Variants in DCUN1D5 observed in about 807,000 individuals in gnomAD.
DCUN1D5 encodes the protein defective in cullin neddylation 1 domain containing 5.
A neutral mutation model predicts 38.3 loss-of-function variants in DCUN1D5; 10 were observed. The observed-to-expected ratio is 0.26, with a 90% confidence interval of 0.16 to 0.44. The LOEUF is 0.44. DCUN1D5 is among the 20% of genes least tolerant of loss of function. The pLI is 1.00. For missense variants in DCUN1D5, 148 were observed against 275.3 expected, an observed-to-expected ratio of 0.54 and a Z score of 3.27; for synonymous variants, 93 against 90.9, an observed-to-expected ratio of 1.02 and a Z score of -0.13.
At chr11:103,082,477 T>A (rs1376344210) in intron 4 of DCUN1D5, among the ~76,000 whole-genome samples, 1 of 152,088 alleles carries the variant, frequency 6.6e-6, no homozygotes, top group East Asian at 1.9e-4. Flanking sequence ...TAAATAGGTC[T>A]TTGATCATAG....
rs1321523744 is a variant in DCUN1D5, at chr11:103,061,159, T to C, written c.*1200A>G. On this transcript the variant is annotated 3_prime_UTR_variant, in exon 8 of 8. Coordinates refer to ENST00000260247, the MANE Select transcript of DCUN1D5 (RefSeq NM_032299.4). ...ATCATTCTTTAAACAAATTCACCAC[T>C]GAAAAATCAACCTTTACCTTAAATC... 6.6e-6 allele frequency among the ~76,000 whole-genome samples: 1 copy of C among 152,184 alleles called. No individual in the cohort carries two copies. The highest frequency in any genetic ancestry group is 2.4e-5 in the African/African-American group (1 of 41,468).
At position 103,082,819 on chromosome 11, in the gene DCUN1D5, C is replaced by T. The variant is rs1862599707; in HGVS notation, c.270G>A (p.Ala90=). ...EPENIIMLVL[A]WKLEAESMGF... is the part of the protein sequence containing the mutation. ...CCATGCTTTCAGCCTCCAATTTCCA[C>T]GCTAAAACTAACATAATAATCTGGA... is the stretch of plus-strand genomic sequence containing the variant. Residue 90 remains alanine (A), a synonymous_variant, in exon 4 of 8, where the codon GCG becomes GCA. Transcript: ENST00000260247. 9.9e-6 allele frequency: 16 copies of T among 1,612,630 alleles called. No individual in the cohort carries two copies. The highest frequency in any genetic ancestry group is 1.7e-4 in the Middle Eastern group (1 of 6,054).
At position 103,059,457 on chromosome 11, in the gene DCUN1D5, G is replaced by C. The variant is rs1359895151; in HGVS notation, c.*2902C>G. Among the ~76,000 whole-genome samples, 1 of 152,034 alleles carries C rather than the reference G, an allele frequency of 6.6e-6. No individual in the cohort carries two copies. Among genetic ancestry groups the C allele is most frequent in the Non-Finnish European group, 1.5e-5 (1 of 68,010 alleles). ...CCTCAATCTAACATTCCCAAAGAAG[G>C]CTTCAAATTGCAGTTCAAGAAACAC... On this transcript the variant is annotated 3_prime_UTR_variant, in exon 8 of 8. Coordinates refer to ENST00000260247, the MANE Select transcript of DCUN1D5 (RefSeq NM_032299.4).
At chr11:103,090,547 A>G (rs1238274102) in intron 1 of DCUN1D5, among the ~76,000 whole-genome samples, 3 of 152,222 alleles carry the variant, frequency 2.0e-5, no homozygotes, top group Non-Finnish European at 4.4e-5. Context: ...TCCTTTCAAT[A>G]GTAGCATCTG....
Position 103,091,999 on chromosome 11 carries a change from C to A in DCUN1D5, c.-127G>T. 1.2e-6 allele frequency: 1 copy of A among 852,404 alleles called. No individual in the cohort carries two copies. Among genetic ancestry groups the A allele is most frequent in the Non-Finnish European group, 1.8e-6 (1 of 569,948 alleles). The allele number at this position is 852,404 out of a possible 1,614,324, so 52.8% of individuals were successfully genotyped here. ...AAGCGGAGGAGCAGAGTCGCCAGCC[C>A]GCACCGGCGCGGCCCAGCCCGGCCG... is the stretch of plus-strand genomic sequence containing the variant. On this transcript the variant is annotated 5_prime_UTR_variant, in exon 1 of 8. Coordinates refer to ENST00000260247, the MANE Select transcript of DCUN1D5 (RefSeq NM_032299.4). The surrounding 1 kb of genome is among the most constrained non-coding windows in gnomAD (Gnocchi z 4.3).
rs1862873274 is a variant in DCUN1D5, at chr11:103,091,694, CCCCAGCCCGGCAGGCCGGG to C, written c.86+74_86+92del. ...TCAAAGGGGCCTCACCTGTCTCCAG[CCCCAGCCCGGCAGGCCGGG>C]CCCGACTCCTTTTCCTCCAGTTGTC... On this transcript the variant is annotated intron_variant, in intron 1 of 7. Coordinates refer to ENST00000260247, the MANE Select transcript of DCUN1D5 (RefSeq NM_032299.4). The surrounding 1 kb of genome is among the most constrained non-coding windows in gnomAD (Gnocchi z 4.3). 3.7e-6 allele frequency: 6 copies of C among 1,609,288 alleles called. No individual in the cohort carries two copies. Among genetic ancestry groups the C allele is most frequent in the Non-Finnish European group, 1.7e-6 (2 of 1,177,972 alleles).
chr11:103,073,315 C>T lies in DCUN1D5; in HGVS notation c.342-6748G>A, dbSNP rs1438418967. Among the ~76,000 whole-genome samples, 1 of 151,988 alleles carries T rather than the reference C, an allele frequency of 6.6e-6. No individual in the cohort carries two copies. The highest frequency in any genetic ancestry group is 1.5e-5 in the Non-Finnish European group (1 of 67,964). On this transcript the variant is annotated intron_variant, in intron 4 of 7. Transcript: ENST00000260247. This position sits in a 1 kb window ranked among gnomAD's most constrained non-coding sequence, Gnocchi z 4.2. ...AAAAAAGAGAGAAGACAAAAATTAC[C>T]AATATCAGGAATATTAAGAGTATTC...
rs1199439053 is a variant in DCUN1D5 at position 103,061,699 on chromosome 11, A to C, written c.*660T>G. On this transcript the variant is annotated 3_prime_UTR_variant, in exon 8 of 8. Coordinates refer to ENST00000260247, the MANE Select transcript of DCUN1D5 (RefSeq NM_032299.4). ...ACAATAATAATGATGATACAACTTAATAATACAACTTTTTTAGAAAACAAA... is the reference window on the plus strand; with the variant it reads ...ACAATAATAATGATGATACAACTTACTAATACAACTTTTTTAGAAAACAAA... Among the ~76,000 whole-genome samples the C allele has an allele frequency of 6.6e-6, 1 of 152,072 alleles. No homozygotes were observed. The highest frequency in any genetic ancestry group is 1.5e-5 in the Non-Finnish European group (1 of 67,972).
chr11:103,051,796 G>C lies in DCUN1D5; in HGVS notation c.*10563C>G, dbSNP rs372908637. 6.6e-6 allele frequency: 1 copy of C among 152,160 alleles called. No individual in the cohort carries two copies. Among genetic ancestry groups the C allele is most frequent in the Admixed American group, 6.5e-5 (1 of 15,282 alleles). 9.4% of individuals were successfully genotyped at this position (152,160 alleles called of 1,614,324 possible). A position where few individuals can be genotyped will look rare whatever the true frequency, so the allele number is the denominator to read the frequency against. ...TAGTCACTAAGAAGCAAAGGACTCT[G>C]AACACAGATCTCTGAACTCCAAACC... On this transcript the variant is annotated 3_prime_UTR_variant, in exon 8 of 8. Transcript: ENST00000260247.
chr11:103,078,521 A>G lies in DCUN1D5; in HGVS notation c.341+4227T>C, dbSNP rs965377508. On this transcript the variant is annotated intron_variant, in intron 4 of 7. Transcript: ENST00000260247. The surrounding 1 kb of genome is among the most constrained non-coding windows in gnomAD (Gnocchi z 4.6). Reference sequence around the variant, plus strand: ...TTTAAAATATTAAAAACAATTGCTCATTGAAAATTATCCCCCAAATCTTTT... The same window carrying G: ...TTTAAAATATTAAAAACAATTGCTCGTTGAAAATTATCCCCCAAATCTTTT... Among the ~76,000 whole-genome samples the G allele has an allele frequency of 2.6e-5, 4 of 152,212 alleles. No homozygotes were observed. Among genetic ancestry groups the G allele is most frequent in the Non-Finnish European group, 5.9e-5 (4 of 68,032 alleles).
Position 103,091,900 on chromosome 11 carries a change from G to A in DCUN1D5, c.-28C>T, listed in dbSNP as rs1862881448. ...TCCGCCCTCCCCGGCAGGGTGGGCA[G>A]GGGAGCCGGGGAAGGGGGTCCCTGT... On this transcript the variant is annotated 5_prime_UTR_variant, in exon 1 of 8. Transcript: ENST00000260247. The surrounding 1 kb of genome is among the most constrained non-coding windows in gnomAD (Gnocchi z 4.3). 3 of 1,600,676 alleles carry A rather than the reference G, an allele frequency of 1.9e-6. No individual in the cohort carries two copies. Among genetic ancestry groups the A allele is most frequent in the Middle Eastern group, 1.7e-4 (1 of 5,992 alleles).
rs181811670 is a variant in DCUN1D5, at chr11:103,053,526, A to C, written c.*8833T>G. 2 of 152,098 alleles carry C rather than the reference A, an allele frequency of 1.3e-5. No individual in the cohort carries two copies. Among genetic ancestry groups the C allele is most frequent in the Admixed American group, 1.3e-4 (2 of 15,256 alleles). 9.4% of individuals were successfully genotyped at this position (152,098 alleles called of 1,614,324 possible). The stretch of plus-strand genomic sequence containing the variant: ...AATGTTCCTAGTGTAAAGAAAACAT[A>C]AATATTTAAGGTGATGGATATCCCA... On this transcript the variant is annotated 3_prime_UTR_variant, in exon 8 of 8. Transcript: ENST00000260247. The surrounding 1 kb of genome is among the most constrained non-coding windows in gnomAD (Gnocchi z 4.8).
rs1464318592 is a variant in DCUN1D5 at position 103,077,832 on chromosome 11, A to G, written c.341+4916T>C. 2.6e-5 allele frequency among the ~76,000 whole-genome samples: 4 copies of G among 152,130 alleles called. No individual in the cohort carries two copies. Among genetic ancestry groups the G allele is most frequent in the African/African-American group, 9.7e-5 (4 of 41,428 alleles). Reference sequence around the variant, plus strand: ...TTTCTCAACCAGAACAATACCATCTACTTCTAGGGGTATTTGAAAATGTGC... The same window carrying G: ...TTTCTCAACCAGAACAATACCATCTGCTTCTAGGGGTATTTGAAAATGTGC... On this transcript the variant is annotated intron_variant, in intron 4 of 7. Coordinates refer to ENST00000260247, the MANE Select transcript of DCUN1D5 (RefSeq NM_032299.4). This position sits in a 1 kb window ranked among gnomAD's most constrained non-coding sequence, Gnocchi z 4.3.
At chr11:103,069,600 A>C (rs1862221537) in intron 4 of DCUN1D5, among the ~76,000 whole-genome samples, 1 of 152,188 alleles carries the variant, frequency 6.6e-6, no homozygotes, top group South Asian at 2.1e-4. Context: ...GTTGATATAG[A>C]GGAGGCCTAG....
rs750262170 is a variant in DCUN1D5 at position 103,066,253 on chromosome 11, GA to G, written c.555+15del. Reference sequence around the variant, plus strand: ...TTTTAAAATAATATTTTCAAAATTCGAAAAAACATACGTACCTCCAGGTACT... The same window carrying G: ...TTTTAAAATAATATTTTCAAAATTCGAAAAACATACGTACCTCCAGGTACT... On this transcript the variant is annotated intron_variant, in intron 6 of 7. Transcript: ENST00000260247. The surrounding 1 kb of genome is among the most constrained non-coding windows in gnomAD (Gnocchi z 4.7). The G allele has an allele frequency of 6.8e-7, 1 of 1,475,408 alleles. No individual in the cohort carries two copies. Among genetic ancestry groups the G allele is most frequent in the Admixed American group, 2.3e-5 (1 of 44,116 alleles). The allele number at this position is 1,475,408 out of a possible 1,614,324, so 91.4% of individuals were successfully genotyped here.
In DCUN1D5 at chr11:103,052,077, T is replaced by A. The variant is rs1202234342; in HGVS notation, c.*10282A>T. 2 of 152,194 alleles carry A rather than the reference T, an allele frequency of 1.3e-5. No individual in the cohort carries two copies. The highest frequency in any genetic ancestry group is 2.9e-5 in the Non-Finnish European group (2 of 68,016). 9.4% of individuals were successfully genotyped at this position (152,194 alleles called of 1,614,324 possible). A position where few individuals can be genotyped will look rare whatever the true frequency, so the allele number is the denominator to read the frequency against. On this transcript the variant is annotated 3_prime_UTR_variant, in exon 8 of 8. Coordinates refer to ENST00000260247, the MANE Select transcript of DCUN1D5 (RefSeq NM_032299.4). ...CTTTAATTATGAAATAATTTTAGTG[T>A]CTATTTAGAAGACACTGTGCCCGGT...
intron 4 of DCUN1D5, among the ~76,000 whole-genome samples, chr11:103,072,219 CA>C (rs947478049): frequency 6.6e-6 from 1 of 151,062 alleles, no homozygotes; most frequent in Non-Finnish European, 1.5e-5. Flanking sequence ...TGTAATAAGT[CA>C]AAAAAAAGAA....
chr11:103,090,444 A>G (rs772991937), intron 1 of DCUN1D5, among the ~76,000 whole-genome samples: 11 of 152,206 alleles, frequency 7.2e-5, no homozygotes, highest in Non-Finnish European at 1.6e-4. Flanking sequence ...AAGAAGATGC[A>G]GACTATGTAA....
Position 103,058,902 on chromosome 11 carries a change from G to A in DCUN1D5, c.*3457C>T, listed in dbSNP as rs943002066. Among the ~76,000 whole-genome samples, 8 of 151,110 alleles carry A rather than the reference G, an allele frequency of 5.3e-5. No individual in the cohort carries two copies. The highest frequency in any genetic ancestry group is 1.2e-4 in the Non-Finnish European group (8 of 67,854). ...TAAGACTTTTGGGTTTTTTTGGGGGGGGTTTTAATTTTATTTTTTATTTTT... is the reference window on the plus strand; with the variant it reads ...TAAGACTTTTGGGTTTTTTTGGGGGAGGTTTTAATTTTATTTTTTATTTTT... On this transcript the variant is annotated 3_prime_UTR_variant, in exon 8 of 8. Coordinates refer to ENST00000260247, the MANE Select transcript of DCUN1D5 (RefSeq NM_032299.4).
Sources: gnomAD v4.1 joint callset for allele counts (sites outside exome capture counted in the v4.1 genomes callset) on GRCh38, gnomAD v4.1.1 for gene constraint, Gnocchi (gnomAD v3.1) non-coding constraint, MANE v1.5 for transcripts, NCBI Gene and HGNC (gene_info 2026-07-23, HGNC 2026-07-21) for gene names.